CACNA2D1: variants seen among roughly 807,000 people sequenced by gnomAD.
The protein encoded by CACNA2D1 is voltage-dependent calcium channel subunit alpha-2/delta-1.
A neutral mutation model predicts 171.5 loss-of-function variants in CACNA2D1; 53 were observed. The ratio of observed to expected loss-of-function variants is 0.31; its 90% confidence interval spans 0.25 to 0.39. The LOEUF is 0.39. Ranked by LOEUF, CACNA2D1 falls within the 10% of genes least tolerant of loss-of-function variation. CACNA2D1 has a pLI of 1.00. For missense variants in CACNA2D1, 903 were observed against 1,299.8 expected, an observed-to-expected ratio of 0.69 and a Z score of 4.69; for synonymous variants, 442 against 443.1, an observed-to-expected ratio of 1.00 and a Z score of 0.03.
chr7:82,321,923 G>A (rs915487462), intron 3 of CACNA2D1, among the ~76,000 whole-genome samples: 3 of 150,786 alleles, frequency 2.0e-5, no homozygotes, highest in South Asian at 2.1e-4. Flanking sequence ...TCAGGAGATC[G>A]AGACCATCCC....
intron 7 of CACNA2D1, among the ~76,000 whole-genome samples, chr7:82,083,885 C>T (rs1243077471): frequency 1.3e-5 from 2 of 152,036 alleles, no homozygotes; most frequent in African/African-American, 4.8e-5. Context: ...ATATGAATAA[C>T]TCAATTTGTT....
At position 82,032,921 on chromosome 7, in the gene CACNA2D1, AC is replaced by A. The variant is rs1802886269; in HGVS notation, c.1039-21del. On this transcript the variant is annotated intron_variant, in intron 11 of 38. Coordinates refer to ENST00000356860, the MANE Select transcript of CACNA2D1 (RefSeq NM_000722.4). ...ATTATACTGTTAAAAACAAAACCAA[AC>A]AAAACAATATGCGTATTATTCACAA... 3.2e-6 allele frequency: 4 copies of A among 1,247,164 alleles called. No individual in the cohort carries two copies. The African/African-American group carries it at 4.4e-5, about 14-fold the overall frequency. The allele number at this position is 1,247,164 out of a possible 1,614,324, so 77.3% of individuals were successfully genotyped here.
chr7:82,070,652 T>C (rs1808215567), intron 7 of CACNA2D1, among the ~76,000 whole-genome samples: 1 of 152,140 alleles, frequency 6.6e-6, no homozygotes, highest in South Asian at 2.1e-4. Flanking sequence ...GTGACACATA[T>C]TACTTTCACT....
At chr7:82,357,019 A>T (rs945055390) in intron 1 of CACNA2D1, among the ~76,000 whole-genome samples, 4 of 152,168 alleles carry the variant, frequency 2.6e-5, no homozygotes, top group African/African-American at 9.7e-5. Flanking sequence ...TATCTCTTAA[A>T]ATTGAGGCAA....
chr7:82,322,106 A>G (rs1371525001), intron 3 of CACNA2D1, among the ~76,000 whole-genome samples: 1 of 110,116 alleles, frequency 9.1e-6, no homozygotes, highest in Non-Finnish European at 1.7e-5. Context: ...AGCCTGGGTG[A>G]CAGAGCGAGA....
intron 1 of CACNA2D1, among the ~76,000 whole-genome samples, chr7:82,373,905 G>A (rs947206880): frequency 1.8e-4 from 27 of 152,142 alleles, no homozygotes; most frequent in Admixed American, 1.6e-3. Flanking sequence ...ACAAGTGTAC[G>A]AAAAAAGTAA....
chr7:82,415,274 C>A (rs1828054420), intron 1 of CACNA2D1, among the ~76,000 whole-genome samples: 1 of 152,304 alleles, frequency 6.6e-6, no homozygotes, highest in East Asian at 1.9e-4. Context: ...TGGCTCACAT[C>A]TGTAATCCCA....
At chr7:82,310,068 T>C (rs1024196814) in intron 3 of CACNA2D1, among the ~76,000 whole-genome samples, 1 of 152,076 alleles carries the variant, frequency 6.6e-6, no homozygotes, top group Non-Finnish European at 1.5e-5. Context: ...TTTTATATGG[T>C]ATAGAAAAGC....
intron 38 of CACNA2D1, among the ~76,000 whole-genome samples, chr7:81,954,655 T>C (rs1252791905): frequency 2.6e-5 from 4 of 152,114 alleles, no homozygotes; most frequent in African/African-American, 9.7e-5. Context: ...CAAAAGAAAA[T>C]GTTCTGGTCA....
intron 3 of CACNA2D1, among the ~76,000 whole-genome samples, chr7:82,177,210 T>C (rs890920868): frequency 3.3e-5 from 5 of 151,830 alleles, no homozygotes; most frequent in Non-Finnish European, 5.9e-5. Flanking sequence ...TTTATAACTT[T>C]ATGTAAGAAA....
At chr7:82,438,838 C>G (rs1237567207) in intron 1 of CACNA2D1, among the ~76,000 whole-genome samples, 1 of 152,188 alleles carries the variant, frequency 6.6e-6, no homozygotes, top group Non-Finnish European at 1.5e-5. Context: ...CTACCACAGA[C>G]AGCTCTTTTA....
chr7:82,031,367 C>T (rs1802677980), intron 12 of CACNA2D1, among the ~76,000 whole-genome samples: 1 of 151,892 alleles, frequency 6.6e-6, no homozygotes, highest in African/African-American at 2.4e-5. Context: ...TCTGGATATT[C>T]CCATTCATTT....
intron 28 of CACNA2D1, 77 bp downstream of exon 28, chr7:81,969,804 T>A (rs1795076871): frequency 7.5e-6 from 6 of 796,396 alleles, no homozygotes; most frequent in Non-Finnish European, 1.1e-5. Flanking sequence ...ATGTAGTGAT[T>A]TGGGGGGAGA....
chr7:82,106,075 A>C (rs868388323), intron 6 of CACNA2D1, among the ~76,000 whole-genome samples: 40 of 152,308 alleles, frequency 2.6e-4, no homozygotes, highest in African/African-American at 8.9e-4. Context: ...CATATCTCAT[A>C]ACCCGGTATC....
intron 6 of CACNA2D1, among the ~76,000 whole-genome samples, chr7:82,114,403 A>G (rs950839355): frequency 6.6e-6 from 1 of 152,128 alleles, no homozygotes; most frequent in Non-Finnish European, 1.5e-5. Context: ...ATAACCTATA[A>G]ACTTGTCCAG....
chr7:82,415,572 C>T (rs1828087425), intron 1 of CACNA2D1, among the ~76,000 whole-genome samples: 1 of 151,922 alleles, frequency 6.6e-6, no homozygotes, highest in Non-Finnish European at 1.5e-5. Context: ...GTCTGTAGGA[C>T]CTAATAAACA....
chr7:81,967,309 A>G (rs1794810349), intron 30 of CACNA2D1, 102 bp from the exon 31 acceptor site: 2 of 985,244 alleles, frequency 2.0e-6, no homozygotes, highest in Admixed American at 3.8e-5. Context: ...TTTATCCAGT[A>G]GAAAAATAAG....
chr7:82,387,521 T>C (rs1353764639), intron 1 of CACNA2D1, among the ~76,000 whole-genome samples: 3 of 152,206 alleles, frequency 2.0e-5, no homozygotes, highest in Non-Finnish European at 2.9e-5. Context: ...TGTTTAATCA[T>C]GCTGGGAAGT....
intron 7 of CACNA2D1, among the ~76,000 whole-genome samples, chr7:82,076,110 T>C (rs1808936778): frequency 6.6e-6 from 1 of 152,136 alleles, no homozygotes; most frequent in Non-Finnish European, 1.5e-5. Context: ...TGAACAATTA[T>C]TACGACCATT....
Sources: gnomAD v4.1 joint callset for allele counts (sites outside exome capture counted in the v4.1 genomes callset) on GRCh38, gnomAD v4.1.1 for gene constraint, MANE v1.5 for transcripts, NCBI Gene and HGNC (gene_info 2026-07-23, HGNC 2026-07-21) for gene names.